SMCHD1: variants seen among roughly 807,000 people sequenced by gnomAD.
The protein encoded by SMCHD1 is structural maintenance of chromosomes flexible hinge domain containing 1.
Under a neutral mutation model 254.7 loss-of-function variants are expected in SMCHD1, and 78 were observed. That is an observed-to-expected ratio of 0.31 (90% CI 0.26 to 0.37). SMCHD1 has a LOEUF of 0.37. Among genes scored for constraint, SMCHD1 ranks in the 10% least tolerant of loss-of-function variants. SMCHD1 has a pLI of 1.00. For synonymous variants in SMCHD1, 766 were observed against 794.9 expected, an observed-to-expected ratio of 0.96 and a Z score of 0.61; for missense variants, 1,840 against 2,408.1, an observed-to-expected ratio of 0.76 and a Z score of 4.94.
intron 47 of SMCHD1, chr18:2,800,962 G>A (rs946209719): frequency 6.6e-6 from 1 of 152,074 alleles, no homozygotes; most frequent in Non-Finnish European, 1.5e-5. Context: ...TAGCAGAAAG[G>A]AGCCAGGACA....
At chr18:2,766,380 CT>C (rs2075869319) in intron 37 of SMCHD1, among the ~76,000 whole-genome samples, 1 of 152,220 alleles carries the variant, frequency 6.6e-6, no homozygotes, top group African/African-American at 2.4e-5. Context: ...AGAGATTTAG[CT>C]ATTCCCCAGC....
chr18:2,782,761 A>AAAAACAAC (rs1555655330), intron 44 of SMCHD1, among the ~76,000 whole-genome samples: 8 of 150,890 alleles, frequency 5.3e-5, no homozygotes, highest in African/African-American at 1.9e-4. Flanking sequence ...AAAAAAAAAA[A>AAAAACAAC]AAAAAAAAAA....
chr18:2,770,614 A>T (rs1469402700), intron 39 of SMCHD1, among the ~76,000 whole-genome samples: 2 of 151,732 alleles, frequency 1.3e-5, no homozygotes, highest in Non-Finnish European at 1.5e-5. Flanking sequence ...TGTTTTGTTT[A>T]GTTTTGTTTT....
Position 2,770,098 on chromosome 18 carries a change from T to C in SMCHD1, c.4956T>C (p.Asn1652=). 1 of 1,598,938 alleles carries C rather than the reference T, an allele frequency of 6.3e-7. No individual in the cohort carries two copies. ...SLFEASQQLL[N]EMKCQVEEAR... The stretch of plus-strand genomic sequence containing the variant: ...TTGAAGCCAGCCAACAGCTTCTTAA[T>C]GAAATGAAATGTAAGTCATTTTGTA... The change falls in exon 39 of 48, where the codon AAT becomes AAC. Residue 1652 remains asparagine, a synonymous_variant. Coordinates refer to ENST00000320876, the MANE Select transcript of SMCHD1 (RefSeq NM_015295.3).
intron 45 of SMCHD1, among the ~76,000 whole-genome samples, chr18:2,792,571 A>AG (rs1297772788): frequency 6.6e-6 from 1 of 152,212 alleles, no homozygotes; most frequent in East Asian, 1.9e-4. Flanking sequence ...CATGAGGAAA[A>AG]GGAGGGACTA....
intron 5 of SMCHD1, among the ~76,000 whole-genome samples, chr18:2,679,548 C>A (rs956531851): frequency 7.0e-6 from 1 of 143,712 alleles, no homozygotes; most frequent in African/African-American, 2.5e-5. Flanking sequence ...TGAATATGTT[C>A]GTTCACTGCC....
At position 2,688,333 on chromosome 18, in the gene SMCHD1, A is replaced by G. The variant is rs2074098457; in HGVS notation, c.639-61A>G. Reference sequence around the variant, plus strand: ...ATTAACACTGAATACAAGTGCAATGAAAGTTTCTTTTGACACTTAACTAGC... The same window carrying G: ...ATTAACACTGAATACAAGTGCAATGGAAGTTTCTTTTGACACTTAACTAGC... On this transcript the variant is annotated intron_variant, in intron 5 of 47. Transcript: ENST00000320876. The G allele has an allele frequency of 3.0e-5, 35 of 1,178,558 alleles. No individual in the cohort carries two copies. In the South Asian group the frequency reaches 4.2e-4, roughly 14 times the overall value. The allele number at this position is 1,178,558 out of a possible 1,614,324, so 73.0% of individuals were successfully genotyped here. A position where few individuals can be genotyped will look rare whatever the true frequency, so the allele number is the denominator to read the frequency against.
intron 1 of SMCHD1, among the ~76,000 whole-genome samples, chr18:2,657,725 G>A (rs1428277479): frequency 6.6e-6 from 1 of 152,000 alleles, no homozygotes; most frequent in African/African-American, 2.4e-5. Flanking sequence ...TTCTTTAAAC[G>A]TAGGTCTTCA....
chr18:2,666,021 G>A (rs561747047), intron 1 of SMCHD1, 136 bp from the exon 2 acceptor site: 2 of 485,074 alleles, frequency 4.1e-6, no homozygotes, highest in African/African-American at 4.0e-5. Context: ...TAGATATACT[G>A]AGTTTTGTAT....
chr18:2,760,771 G>T, intron 35 of SMCHD1, 32 bp downstream of exon 35: 1 of 1,291,634 alleles, frequency 7.7e-7, no homozygotes, highest in Non-Finnish European at 1.1e-6. Flanking sequence ...ACCACAGTTA[G>T]CTTTACATTT....
In SMCHD1 at chr18:2,698,025, T is replaced by A. The variant is rs199596161; in HGVS notation, c.1326T>A (p.Asp442Glu). Residue 442 changes from aspartate to glutamate, a missense_variant, in exon 10 of 48, where the codon GAT (aspartate) becomes GAA (glutamate). Around this residue, in one of 9 missense-constraint regions of SMCHD1, gnomAD observed 498 missense variants for 743.5 expected, o/e 0.67. Coordinates refer to ENST00000320876, the MANE Select transcript of SMCHD1 (RefSeq NM_015295.3). The part of the protein sequence containing the change: ...FLYDRETYPD[D>E]PCFPSKLKDE... ...ATGATAGAGAAACTTACCCTGATGA[T>A]CCATGCTTTCCATCAAGTATGTTAA... 1 of 1,609,734 alleles carries A rather than the reference T, an allele frequency of 6.2e-7. No individual in the cohort carries two copies. The highest frequency in any genetic ancestry group is 1.7e-5 in the Admixed American group (1 of 59,896).
chr18:2,802,645 CTGAG>C lies in SMCHD1; in HGVS notation c.*95_*98del. Reference sequence around the variant, plus strand: ...AAGACCAAGAGGGTGACTTACCAGACTGAGTATTTCTGGGGACAATACAAGTACC... The same window carrying C: ...AAGACCAAGAGGGTGACTTACCAGACTATTTCTGGGGACAATACAAGTACC... On this transcript the variant is annotated 3_prime_UTR_variant, in exon 48 of 48. Transcript: ENST00000320876. 2 of 1,188,190 alleles carry C rather than the reference CTGAG, an allele frequency of 1.7e-6. No homozygotes were observed. Among genetic ancestry groups the C allele is most frequent in the South Asian group, 1.5e-5 (1 of 64,526 alleles). The allele number at this position is 1,188,190 out of a possible 1,614,324, so 73.6% of individuals were successfully genotyped here.
chr18:2,674,234 C>T, intron 5 of SMCHD1, 89 bp downstream of exon 5: 2 of 1,074,084 alleles, frequency 1.9e-6, no homozygotes, highest in South Asian at 1.9e-5. Context: ...GCATATGATA[C>T]ATTGGAGGTT....
At chr18:2,743,715 A>C (rs754203572) in intron 28 of SMCHD1, 46 bp from the exon 29 acceptor site, 1 of 1,437,170 alleles carries the variant, frequency 7.0e-7, no homozygotes, top group African/African-American at 1.4e-5. Context: ...TTTTCTGAAC[A>C]CTAAGTGATA....
At chr18:2,724,177 T>A (rs1368171731) in intron 20 of SMCHD1, among the ~76,000 whole-genome samples, 1 of 149,992 alleles carries the variant, frequency 6.7e-6, no homozygotes, top group Non-Finnish European at 1.5e-5. Context: ...AGCTTTACAG[T>A]TTATTCTGAA....
Position 2,770,093 on chromosome 18 carries a change from C to T in SMCHD1, c.4951C>T (p.Leu1651Phe), listed in dbSNP as rs1157336673. 3.8e-6 allele frequency: 6 copies of T among 1,597,868 alleles called. No individual in the cohort carries two copies. Among genetic ancestry groups the T allele is most frequent in the Non-Finnish European group, 5.1e-6 (6 of 1,176,300 alleles). ...TTTATTTGAAGCCAGCCAACAGCTT[C>T]TTAATGAAATGAAATGTAAGTCATT... ...KSLFEASQQLLNEMKCQVEEA... is the reference protein window; with the variant it reads ...KSLFEASQQLFNEMKCQVEEA... The change falls in exon 39 of 48, where the codon CTT becomes TTT. Residue 1651 changes from leucine to phenylalanine, a missense_variant. Leu to Phe is a conservative substitution (Grantham distance 22). This residue lies in a region of SMCHD1 where 881 missense variants were observed against 1,009.5 expected (regional missense o/e 0.87). Coordinates refer to ENST00000320876, the MANE Select transcript of SMCHD1 (RefSeq NM_015295.3).
At chr18:2,698,235 A>C (rs954200210) in intron 10 of SMCHD1, among the ~76,000 whole-genome samples, 194 bp downstream of exon 10, 10 of 152,206 alleles carry the variant, frequency 6.6e-5, no homozygotes, top group African/African-American at 2.4e-4. Flanking sequence ...TTCTAGATGA[A>C]TAAATCTTTA....
intron 29 of SMCHD1, among the ~76,000 whole-genome samples, chr18:2,744,643 G>T (rs2075414850): frequency 6.6e-6 from 1 of 152,128 alleles, no homozygotes; most frequent in African/African-American, 2.4e-5. Flanking sequence ...GAAAGGACAT[G>T]CAATAGATGA....
chr18:2,718,085 A>G lies in SMCHD1; in HGVS notation c.2261-73A>G, dbSNP rs1192955371. The G allele has an allele frequency of 4.3e-6, 5 of 1,172,368 alleles. No individual in the cohort carries two copies. Among genetic ancestry groups the G allele is most frequent in the Non-Finnish European group, 6.1e-6 (5 of 817,590 alleles). 72.6% of individuals were successfully genotyped at this position (1,172,368 alleles called of 1,614,324 possible). On this transcript the variant is annotated intron_variant, in intron 17 of 47. Coordinates refer to ENST00000320876, the MANE Select transcript of SMCHD1 (RefSeq NM_015295.3). The surrounding 1 kb of genome is among the most constrained non-coding windows in gnomAD (Gnocchi z 4.6). ...TACAGCAAATAGGTATTTGGTGCCA[A>G]TGTGACATTGCGTATTTCATGTTTT...
Sources: gnomAD v4.1 joint callset for allele counts (sites outside exome capture counted in the v4.1 genomes callset) on GRCh38, gnomAD v4.1.1 for gene constraint, gnomAD v4.1.1 regional missense constraint, Gnocchi (gnomAD v3.1) non-coding constraint, MANE v1.5 for transcripts, NCBI Gene and HGNC (gene_info 2026-07-23, HGNC 2026-07-21) for gene names.